The following GRID2 variants were observed in gnomAD, a reference collection of about 807,000 sequenced individuals.
GRID2 encodes glutamate receptor ionotropic, delta-2.
Under a neutral mutation model 114.8 loss-of-function variants are expected in GRID2, and 33 were observed. The observed-to-expected ratio is 0.29, with a 90% CI of 0.22 to 0.38. The LOEUF (loss-of-function observed/expected upper bound fraction) is 0.38. Ranked by LOEUF, GRID2 falls within the 10% of genes least tolerant of loss-of-function variation. The pLI is 1.00. For missense variants in GRID2, 1,184 were observed against 1,257.7 expected (o/e 0.94, Z 0.89); for synonymous variants, 505 against 449.9 (o/e 1.12, Z -1.55).
rs897227653 is a variant in GRID2, at chr4:93,104,116, G to A, written c.530-6632G>A. 3.3e-5 allele frequency among the ~76,000 whole-genome samples: 5 copies of A among 151,844 alleles called. No homozygotes were observed. In the East Asian group the frequency reaches 7.7e-4, roughly 24 times the overall value. On this transcript the variant is annotated intron_variant, in intron 3 of 15. Transcript: ENST00000282020. The stretch of plus-strand genomic sequence containing the variant: ...AAGTGTAGTGTAATGTTTAGCTTCC[G>A]CTTATTAGTGAGAACAAGTGGTATT...
At chr4:92,824,036 C>A (rs1445168953) in intron 2 of GRID2, among the ~76,000 whole-genome samples, 1 of 152,080 alleles carries the variant, frequency 6.6e-6, no homozygotes, top group Admixed American at 6.6e-5. Flanking sequence ...AAGGGACCTT[C>A]AATCTGGCTG....
At chr4:93,603,745 T>G (rs985928992) in intron 13 of GRID2, among the ~76,000 whole-genome samples, 1 of 152,220 alleles carries the variant, frequency 6.6e-6, no homozygotes, top group Non-Finnish European at 1.5e-5. Flanking sequence ...CTTACCATTC[T>G]GAAGATACTA....
chr4:92,685,995 G>A (rs900457850), intron 2 of GRID2, among the ~76,000 whole-genome samples: 2 of 151,814 alleles, frequency 1.3e-5, no homozygotes, highest in Non-Finnish European at 1.5e-5. Flanking sequence ...TGCATCATTG[G>A]TATCTTATAA....
At chr4:92,582,959 C>A (rs556302912) in intron 1 of GRID2, among the ~76,000 whole-genome samples, 34 of 151,868 alleles carry the variant, frequency 2.2e-4, no homozygotes, top group African/African-American at 7.7e-4. Flanking sequence ...TACACTCTAG[C>A]CTGGGTGACA....
At chr4:93,197,405 A>C (rs1028062567) in intron 4 of GRID2, among the ~76,000 whole-genome samples, 3 of 152,128 alleles carry the variant, frequency 2.0e-5, no homozygotes, top group African/African-American at 7.2e-5. Context: ...TAGTGTTTGC[A>C]TGATAAGGAT....
At chr4:93,577,592 T>A (rs1159446580) in intron 13 of GRID2, among the ~76,000 whole-genome samples, 1 of 152,208 alleles carries the variant, frequency 6.6e-6, no homozygotes, top group Non-Finnish European at 1.5e-5. Flanking sequence ...TTGGTGCATA[T>A]TTATTCATGG....
intron 2 of GRID2, among the ~76,000 whole-genome samples, chr4:93,053,116 T>C (rs1157820242): frequency 6.6e-6 from 1 of 151,912 alleles, no homozygotes; most frequent in African/African-American, 2.4e-5. Flanking sequence ...CTGAAGCAAG[T>C]TCTACAGCAA....
Position 93,292,188 on chromosome 4 carries a change from G to A in GRID2, c.1245+53698G>A, listed in dbSNP as rs185403902. On this transcript the variant is annotated intron_variant, in intron 8 of 15. Coordinates refer to ENST00000282020, the MANE Select transcript of GRID2 (RefSeq NM_001510.4). ...TACAATTCATCTGGTGTTTGCTGTAGTAAAAATTTGTAGAGGAATAGCTGC... is the reference window on the plus strand; with the variant it reads ...TACAATTCATCTGGTGTTTGCTGTAATAAAAATTTGTAGAGGAATAGCTGC... Among the ~76,000 whole-genome samples the A allele has an allele frequency of 2.4e-4, 37 of 152,252 alleles. No homozygotes were observed. The East Asian group carries it at 7.0e-3, about 29-fold the overall frequency.
chr4:92,358,993 T>A (rs1728477182), intron 1 of GRID2, among the ~76,000 whole-genome samples: 1 of 151,956 alleles, frequency 6.6e-6, no homozygotes, highest in South Asian at 2.1e-4. Flanking sequence ...AAGCCTTACA[T>A]AGGCAACATT....
At chr4:92,755,788 A>G (rs1274333161) in intron 2 of GRID2, among the ~76,000 whole-genome samples, 2 of 152,168 alleles carry the variant, frequency 1.3e-5, no homozygotes, top group East Asian at 3.9e-4. Flanking sequence ...AGTGTATATC[A>G]TTGCAAGAAT....
intron 1 of GRID2, among the ~76,000 whole-genome samples, chr4:92,394,607 A>G (rs1730405599): frequency 1.3e-5 from 2 of 152,126 alleles, no homozygotes; most frequent in East Asian, 3.9e-4. Context: ...TAAAATAATT[A>G]TAGACAAAGC....
At chr4:92,755,061 G>A (rs760500375) in intron 2 of GRID2, among the ~76,000 whole-genome samples, 18 of 152,090 alleles carry the variant, frequency 1.2e-4, no homozygotes, top group Non-Finnish European at 2.4e-4. Flanking sequence ...TGTGACAGGA[G>A]GCTGTGTCTA....
At chr4:93,134,748 T>A (rs1735090792) in intron 4 of GRID2, among the ~76,000 whole-genome samples, 1 of 152,152 alleles carries the variant, frequency 6.6e-6, no homozygotes, top group South Asian at 2.1e-4. Flanking sequence ...GAATCAGGAA[T>A]ATATTTTTTG....
chr4:92,987,195 G>C lies in GRID2; in HGVS notation c.245-97800G>C, dbSNP rs569949988. 3.3e-4 allele frequency among the ~76,000 whole-genome samples: 50 copies of C among 152,226 alleles called. No individual in the cohort carries two copies. The South Asian group carries it at 0.01, about 31-fold the overall frequency. ...TACTAAACTTACGAGTAAGAAATCA[G>C]AATCTCTAAAATACGGTGACTGATA... is the stretch of plus-strand genomic sequence containing the variant. On this transcript the variant is annotated intron_variant, in intron 2 of 15. Transcript: ENST00000282020.
intron 2 of GRID2, among the ~76,000 whole-genome samples, chr4:92,628,485 A>G (rs112976940): frequency 0.012 from 1,792 of 152,102 alleles, 34 homozygotes; most frequent in African/African-American, 0.04. Flanking sequence ...CAGCCTCCCG[A>G]GTAGCTGGGA....
At chr4:93,003,397 C>G (rs536035872) in intron 2 of GRID2, among the ~76,000 whole-genome samples, 1 of 152,040 alleles carries the variant, frequency 6.6e-6, no homozygotes, top group South Asian at 2.1e-4. Flanking sequence ...ACCTGTCTAA[C>G]ACAAATGGTC....
chr4:93,333,787 T>C (rs1213361105), intron 8 of GRID2, among the ~76,000 whole-genome samples: 1 of 152,220 alleles, frequency 6.6e-6, no homozygotes, highest in African/African-American at 2.4e-5. Context: ...TTTTATATTT[T>C]ATTTCTCCTA....
intron 11 of GRID2, among the ~76,000 whole-genome samples, chr4:93,475,935 C>T (rs1225265532): frequency 1.3e-5 from 2 of 152,046 alleles, no homozygotes; most frequent in African/African-American, 4.8e-5. Flanking sequence ...TGCAGTCTTG[C>T]TTCATGCTGT....
chr4:93,002,411 A>G (rs1721085599), intron 2 of GRID2, among the ~76,000 whole-genome samples: 1 of 151,674 alleles, frequency 6.6e-6, no homozygotes, highest in Non-Finnish European at 1.5e-5. Context: ...CGTAGCCAAA[A>G]AAAACATAGT....
Sources: gnomAD v4.1 joint callset for allele counts (sites outside exome capture counted in the v4.1 genomes callset) on GRCh38, gnomAD v4.1.1 for gene constraint, MANE v1.5 for transcripts, NCBI Gene and HGNC (gene_info 2026-07-23, HGNC 2026-07-21) for gene names.